Variants in SLC9A8 observed in about 807,000 individuals in gnomAD.
SLC9A8 encodes the protein solute carrier family 9 member A8, also known as sodium/hydrogen exchanger 8.
In SLC9A8, 48 loss-of-function variants were observed where a neutral mutation model predicts 66.6. That is an observed-to-expected ratio of 0.72 (90% CI 0.57 to 0.92). The LOEUF (loss-of-function observed/expected upper bound fraction) is 0.92, where lower values mean the gene tolerates loss of function less well. Ranked by LOEUF, SLC9A8 falls within the 40% of genes least tolerant of loss-of-function variation. The pLI, the probability that SLC9A8 is intolerant of heterozygous loss-of-function variation, is 0.00. For synonymous variants in SLC9A8, 274 were observed against 282.6 expected (o/e 0.97, Z 0.31); for missense variants, 599 against 747.3 (o/e 0.80, Z 2.31).
intron 14 of SLC9A8, 126 bp downstream of exon 14, chr20:49,884,192 CACACACG>C: frequency 1.7e-6 from 1 of 571,822 alleles, no homozygotes; most frequent in South Asian, 1.8e-5. Flanking sequence ...AGCACCTCCA[CACACACG>C]ACACACACAC....
In SLC9A8 at chr20:49,886,695, G is replaced by A. The variant is rs1342900286; in HGVS notation, c.1492-57G>A. The A allele has an allele frequency of 6.3e-7, 1 of 1,582,280 alleles. No individual in the cohort carries two copies. Among genetic ancestry groups the A allele is most frequent in the Non-Finnish European group, 8.6e-7 (1 of 1,162,260 alleles). On this transcript the variant is annotated intron_variant, in intron 14 of 15. Coordinates refer to ENST00000361573, the MANE Select transcript of SLC9A8 (RefSeq NM_015266.3). The surrounding 1 kb of genome is among the most constrained non-coding windows in gnomAD (Gnocchi z 4.8). The stretch of plus-strand genomic sequence containing the variant: ...CTGGGTGGTGTGGGGGCTTCCAGGA[G>A]GTGCCCCCCGATGGTGCCAGCTGGT...
chr20:49,884,269 C>CACG (rs2089776253), intron 14 of SLC9A8: 2 of 313,084 alleles, frequency 6.4e-6, no homozygotes, highest in Admixed American at 9.7e-5. Flanking sequence ...GACACACACA[C>CACG]ACACGACACA....
chr20:49,831,804 T>C (rs1331083097), intron 3 of SLC9A8, among the ~76,000 whole-genome samples: 1 of 152,042 alleles, frequency 6.6e-6, no homozygotes, highest in Non-Finnish European at 1.5e-5. Context: ...ACTGGCAGAG[T>C]CCTGCGAAAA....
rs1345168062 is a variant in SLC9A8 at position 49,887,809 on chromosome 20, G to A, written c.1639-20G>A. On this transcript the variant is annotated intron_variant, in intron 15 of 15. Transcript: ENST00000361573. ...CCTGCCCCTGACGCCCTGACGGCTTGGTTGTGTCTCTCGACCCAGGACCTG... is the reference window on the plus strand; with the variant it reads ...CCTGCCCCTGACGCCCTGACGGCTTAGTTGTGTCTCTCGACCCAGGACCTG... 6.4e-7 allele frequency: 1 copy of A among 1,567,042 alleles called. No homozygotes were observed. Among genetic ancestry groups the A allele is most frequent in the South Asian group, 1.2e-5 (1 of 85,620 alleles).
rs374152899 is a variant in SLC9A8, at chr20:49,868,487, CT to C, written c.958+3646del. 2.7e-3 allele frequency among the ~76,000 whole-genome samples: 410 copies of C among 152,354 alleles called. 1 individual carries two copies. The highest frequency in any genetic ancestry group is 9.2e-3 in the African/African-American group (382 of 41,580). ...GGTGGTTTCTGCTGTCTTCACCTTCCTTTGTGTGCTCCCCTTTTCCTGACTA... is the reference window on the plus strand; with the variant it reads ...GGTGGTTTCTGCTGTCTTCACCTTCCTTGTGTGCTCCCCTTTTCCTGACTA... On this transcript the variant is annotated intron_variant, in intron 10 of 15. Coordinates refer to ENST00000361573, the MANE Select transcript of SLC9A8 (RefSeq NM_015266.3).
At chr20:49,834,894 G>A (rs2087468058) in intron 3 of SLC9A8, among the ~76,000 whole-genome samples, 1 of 152,186 alleles carries the variant, frequency 6.6e-6, no homozygotes, top group African/African-American at 2.4e-5. Context: ...AATGAAGCCT[G>A]AAACCATGGA....
intron 5 of SLC9A8, among the ~76,000 whole-genome samples, chr20:49,847,971 A>ACGAACTCGGCTCACTG (rs1440769512): frequency 7.9e-6 from 1 of 126,072 alleles, no homozygotes; most frequent in African/African-American, 3.1e-5. Context: ...GTGCAATGGC[A>ACGAACTCGGCTCACTG]CGAACTCGGC....
Position 49,854,798 on chromosome 20 carries a change from G to A in SLC9A8, c.570-640G>A, listed in dbSNP as rs117415267. 8.8e-3 allele frequency among the ~76,000 whole-genome samples: 1,337 copies of A among 152,284 alleles called. 6 individuals carry two copies. Among genetic ancestry groups the A allele is most frequent in the Non-Finnish European group, 0.014 (954 of 68,030 alleles). ...TGAGTCACCGTATGTGAAGTGCTTA[G>A]AACAGTGCCGGCCATGGTAGCCTCC... On this transcript the variant is annotated intron_variant, in intron 7 of 15. Coordinates refer to ENST00000361573, the MANE Select transcript of SLC9A8 (RefSeq NM_015266.3).
intron 10 of SLC9A8, among the ~76,000 whole-genome samples, chr20:49,870,403 C>G (rs2146704689): frequency 6.6e-6 from 1 of 152,340 alleles, no homozygotes; most frequent in Admixed American, 6.5e-5. Flanking sequence ...GAGCCCAGAC[C>G]TGTGTGGCGA....
At chr20:49,887,670 C>T (rs754500097) in intron 15 of SLC9A8, among the ~76,000 whole-genome samples, 159 bp from the exon 16 acceptor site, 12 of 152,186 alleles carry the variant, frequency 7.9e-5, no homozygotes, top group Non-Finnish European at 1.6e-4. Flanking sequence ...AGAACAATCC[C>T]AGCTCAGTTT....
rs1186544538 is a variant in SLC9A8, at chr20:49,884,286, CACG to C, written c.1491+223_1491+225del. On this transcript the variant is annotated intron_variant, in intron 14 of 15. Transcript: ENST00000361573. ...CACACACACACACGACACACACACACACGACACACACACACACACACACACACA... is the reference window on the plus strand; with the variant it reads ...CACACACACACACGACACACACACACACACACACACACACACACACACACA... The C allele has an allele frequency of 7.1e-4, 199 of 281,560 alleles. 1 individual carries two copies. The highest frequency in any genetic ancestry group is 1.0e-3 in the Middle Eastern group (1 of 970). The allele number at this position is 281,560 out of a possible 1,614,324, so 17.4% of individuals were successfully genotyped here.
chr20:49,824,174 T>TA (rs1306412932), intron 3 of SLC9A8, among the ~76,000 whole-genome samples: 2 of 152,226 alleles, frequency 1.3e-5, no homozygotes, highest in Non-Finnish European at 2.9e-5. Context: ...ATTTATGCCT[T>TA]ATGACCTCCA....
chr20:49,831,078 T>C (rs1005886299), intron 3 of SLC9A8: 6 of 682,284 alleles, frequency 8.8e-6, no homozygotes, highest in African/African-American at 1.8e-5. Flanking sequence ...TGAGCCTGCA[T>C]ACACTAAGCC....
At position 49,886,499 on chromosome 20, in the gene SLC9A8, A is replaced by G. The variant is rs1021238762; in HGVS notation, c.1492-253A>G. The stretch of plus-strand genomic sequence containing the variant: ...CAAAAGCTTGAAAAGCTTAAAGACC[A>G]AGCCCCAGCCTGGCCCAGTCCTTCT... On this transcript the variant is annotated intron_variant, in intron 14 of 15. Transcript: ENST00000361573. This position sits in a 1 kb window ranked among gnomAD's most constrained non-coding sequence, Gnocchi z 4.8. 2 of 417,410 alleles carry G rather than the reference A, an allele frequency of 4.8e-6. No homozygotes were observed. Among genetic ancestry groups the G allele is most frequent in the Middle Eastern group, 1.3e-3 (2 of 1,580 alleles). 25.9% of individuals were successfully genotyped at this position (417,410 alleles called of 1,614,324 possible).
At position 49,815,047 on chromosome 20, in the gene SLC9A8, C is replaced by A. The variant is rs766413229; in HGVS notation, c.66C>A (p.Thr22=). 4.4e-6 allele frequency: 7 copies of A among 1,602,254 alleles called. No individual in the cohort carries two copies. The East Asian group carries it at 1.4e-4, about 31-fold the overall frequency. Residue 22 remains threonine (T), a synonymous_variant, in exon 2 of 16, where the codon ACC becomes ACA. Coordinates refer to ENST00000361573, the MANE Select transcript of SLC9A8 (RefSeq NM_015266.3). The part of the protein sequence containing the change: ...PNTTHEGFNV[T]LHTTLVVTTK... ...CAACTCATGAGGGTTTCAATGTCACCCTCCACACCACCCTGGTTGTCACGA... is the reference window on the plus strand; with the variant it reads ...CAACTCATGAGGGTTTCAATGTCACACTCCACACCACCCTGGTTGTCACGA...
At position 49,849,664 on chromosome 20, in the gene SLC9A8, T is replaced by G; in HGVS notation, c.518T>G (p.Ile173Ser). The G allele has an allele frequency of 6.2e-7, 1 of 1,611,900 alleles. No individual in the cohort carries two copies. The highest frequency in any genetic ancestry group is 2.2e-5 in the East Asian group (1 of 44,884). Residue 173 changes from isoleucine (I) to serine (S), a missense_variant, in exon 6 of 16, where the codon ATT becomes AGT. Coordinates refer to ENST00000361573, the MANE Select transcript of SLC9A8 (RefSeq NM_015266.3). ...AISAFVVGGG[I>S]YFLGQADVIS... Reference sequence around the variant, plus strand: ...TCCGCTTTTGTAGTAGGTGGAGGAATTTATTTTCTGGGTCAGGTAAGAAAA... The same window carrying G: ...TCCGCTTTTGTAGTAGGTGGAGGAAGTTATTTTCTGGGTCAGGTAAGAAAA...
Position 49,863,168 on chromosome 20 carries a change from G to T in SLC9A8, c.852+101G>T. On this transcript the variant is annotated intron_variant, in intron 9 of 15. Coordinates refer to ENST00000361573, the MANE Select transcript of SLC9A8 (RefSeq NM_015266.3). ...TTTTTTAAGGGGGCCAATTTTAGAT[G>T]AAGATTTTGCTTAAAGGAGGATTTT... The T allele has an allele frequency of 5.3e-6, 6 of 1,138,490 alleles. No homozygotes were observed. The South Asian group carries it at 1.0e-4, about 19-fold the overall frequency. 70.5% of individuals were successfully genotyped at this position (1,138,490 alleles called of 1,614,324 possible).
At position 49,875,325 on chromosome 20, in the gene SLC9A8, C is replaced by T. The variant is rs144409590; in HGVS notation, c.1075+504C>T. On this transcript the variant is annotated intron_variant, in intron 11 of 15. Transcript: ENST00000361573. Reference sequence around the variant, plus strand: ...GAAAAACAAAGCTTTTGTAGTCAAACAAGAGTTTAGGAAATCCTGGTTAAA... The same window carrying T: ...GAAAAACAAAGCTTTTGTAGTCAAATAAGAGTTTAGGAAATCCTGGTTAAA... Among the ~76,000 whole-genome samples the T allele has an allele frequency of 2.7e-3, 398 of 147,822 alleles. 1 individual carries two copies. Among genetic ancestry groups the T allele is most frequent in the Non-Finnish European group, 4.0e-3 (265 of 66,760 alleles).
At chr20:49,885,774 T>A (rs1407430532) in intron 14 of SLC9A8, among the ~76,000 whole-genome samples, 2 of 152,166 alleles carry the variant, frequency 1.3e-5, no homozygotes, top group Admixed American at 1.3e-4. Context: ...ACTTTGCAGA[T>A]GAGAATGCCG....
Sources: allele counts gnomAD v4.1 joint callset (sites outside exome capture counted in the v4.1 genomes callset), GRCh38; gene constraint gnomAD v4.1.1; non-coding constraint Gnocchi (gnomAD v3.1); transcripts MANE v1.5; gene names NCBI Gene and HGNC (gene_info 2026-07-23, HGNC 2026-07-21).